VTI1A: variants seen among roughly 807,000 people sequenced by gnomAD.
The protein encoded by VTI1A is vesicle transport through interaction with t-SNAREs homolog 1A.
VTI1A carries 22 observed loss-of-function variants against 34.9 expected under a neutral mutation model. The ratio of observed to expected loss-of-function variants is 0.63; its 90% CI spans 0.45 to 0.90. VTI1A has a LOEUF of 0.90. Among genes scored for constraint, VTI1A ranks in the 40% least tolerant of loss-of-function variants. The pLI is 0.00. For synonymous variants in VTI1A, 87 were observed against 97.3 expected, an observed-to-expected ratio of 0.89 and a Z score of 0.62; for missense variants, 268 against 275.6, an observed-to-expected ratio of 0.97 and a Z score of 0.20.
chr10:112,792,899 G>A (rs1489998744), intron 7 of VTI1A, among the ~76,000 whole-genome samples: 2 of 152,232 alleles, frequency 1.3e-5, no homozygotes, highest in Admixed American at 1.3e-4. Context: ...TTTTCAAAAT[G>A]CTGATCAGAT....
chr10:112,846,996 G>T, the VTI1A span, among the ~76,000 whole-genome samples: 1 of 152,162 alleles, frequency 6.6e-6, no homozygotes, highest in African/African-American at 2.4e-5. Flanking sequence ...CTGACCTCCA[G>T]AACTGTAAGA....
At chr10:112,684,884 T>G (rs1848349839) in intron 7 of VTI1A, among the ~76,000 whole-genome samples, 1 of 152,204 alleles carries the variant, frequency 6.6e-6, no homozygotes, top group Admixed American at 6.5e-5. Context: ...ACCAACTGCA[T>G]ATATGTGACA....
intron 3 of VTI1A, among the ~76,000 whole-genome samples, chr10:112,518,611 ATGTGTGTGTGTG>A (rs1365789222): frequency 1.5e-5 from 2 of 134,188 alleles, no homozygotes; most frequent in East Asian, 2.4e-4. Flanking sequence ...ATATATATAT[ATGTGTGTGTGTG>A]TATGTGTATA....
intron 3 of VTI1A, among the ~76,000 whole-genome samples, chr10:112,473,571 G>T (rs1848174961): frequency 6.6e-6 from 1 of 152,016 alleles, no homozygotes; most frequent in African/African-American, 2.4e-5. Flanking sequence ...TTATTGTGCT[G>T]CAGTGAACAT....
intron 7 of VTI1A, among the ~76,000 whole-genome samples, chr10:112,718,072 T>C (rs1849672290): frequency 6.6e-6 from 1 of 152,130 alleles, no homozygotes; most frequent in African/African-American, 2.4e-5. Context: ...GTGTGTACTG[T>C]CCCCATCAAG....
At chr10:112,854,647 G>A in the VTI1A span, among the ~76,000 whole-genome samples, 8 of 152,132 alleles carry the variant, frequency 5.3e-5, 1 homozygote, top group African/African-American at 1.9e-4. Flanking sequence ...CACTATACCT[G>A]CCATGCCTCA....
chr10:112,848,202 A>C, the VTI1A span, among the ~76,000 whole-genome samples: 2 of 152,152 alleles, frequency 1.3e-5, no homozygotes, highest in Non-Finnish European at 2.9e-5. Context: ...AGTTGCTTGT[A>C]GTTCTGTAAC....
intron 5 of VTI1A, among the ~76,000 whole-genome samples, chr10:112,606,383 A>G (rs1845087165): frequency 6.6e-6 from 1 of 152,006 alleles, no homozygotes; most frequent in South Asian, 2.1e-4. Flanking sequence ...TCATGCCCTC[A>G]CCACCCGTGG....
chr10:112,672,913 T>G (rs962031927), intron 7 of VTI1A: 1 of 152,196 alleles, frequency 6.6e-6, no homozygotes, highest in Non-Finnish European at 1.5e-5. Flanking sequence ...GCCTCAGGAA[T>G]GTAACAAAGT....
chr10:112,821,174 C>T (rs1050659329), downstream of VTI1A, among the ~76,000 whole-genome samples: 1 of 152,232 alleles, frequency 6.6e-6, no homozygotes, highest in Admixed American at 6.5e-5. Flanking sequence ...TCGCGCACCC[C>T]CTCCTTCCCT....
intron 3 of VTI1A, among the ~76,000 whole-genome samples, chr10:112,481,447 T>G (rs559622956): frequency 4.5e-4 from 68 of 152,346 alleles, no homozygotes; most frequent in African/African-American, 1.5e-3. Flanking sequence ...ATGGAATGTC[T>G]TCATATGAAG....
At chr10:112,792,712 G>T (rs911643719) in intron 7 of VTI1A, among the ~76,000 whole-genome samples, 1 of 152,176 alleles carries the variant, frequency 6.6e-6, no homozygotes, top group African/African-American at 2.4e-5. Context: ...AAGCCTCCTG[G>T]CTGTGTCAGT....
intron 7 of VTI1A, among the ~76,000 whole-genome samples, chr10:112,791,935 T>A (rs1852494684): frequency 1.3e-5 from 2 of 152,058 alleles, no homozygotes; most frequent in Non-Finnish European, 2.9e-5. Flanking sequence ...ATTGCGTAGT[T>A]AGAATAGACA....
intron 5 of VTI1A, among the ~76,000 whole-genome samples, chr10:112,607,216 G>A (rs1225945171): frequency 2.6e-5 from 4 of 151,876 alleles, no homozygotes; most frequent in African/African-American, 9.7e-5. Context: ...GAACCCGGGA[G>A]GCAGAGGTTG....
At chr10:112,804,163 C>T (rs1353600041) in intron 7 of VTI1A, among the ~76,000 whole-genome samples, 1 of 152,202 alleles carries the variant, frequency 6.6e-6, no homozygotes, top group Non-Finnish European at 1.5e-5. Context: ...GGGAAGGTAT[C>T]CCGGAGCCAG....
intron 3 of VTI1A, among the ~76,000 whole-genome samples, chr10:112,525,561 G>A (rs969812710): frequency 6.6e-6 from 1 of 152,102 alleles, no homozygotes; most frequent in Non-Finnish European, 1.5e-5. Flanking sequence ...AAAAAGCAAA[G>A]GAATGTCTAG....
chr10:112,557,831 G>A (rs1042114828), intron 5 of VTI1A, among the ~76,000 whole-genome samples: 22 of 152,134 alleles, frequency 1.4e-4, no homozygotes, highest in Admixed American at 1.3e-4. Flanking sequence ...ATGTGTAAAG[G>A]AGGACTTCTT....
intron 3 of VTI1A, among the ~76,000 whole-genome samples, chr10:112,503,940 A>G (rs1849330931): frequency 6.6e-6 from 1 of 152,184 alleles, no homozygotes; most frequent in South Asian, 2.1e-4. Context: ...GCATTCTGCC[A>G]CTTTACGAAA....
At chr10:112,710,037 A>C (rs954220583) in intron 7 of VTI1A, among the ~76,000 whole-genome samples, 5 of 145,814 alleles carry the variant, frequency 3.4e-5, no homozygotes, top group African/African-American at 1.3e-4. Context: ...TACCTATCTC[A>C]TTCCCTCTAC....
Sources: allele counts gnomAD v4.1 joint callset (sites outside exome capture counted in the v4.1 genomes callset), GRCh38; gene constraint gnomAD v4.1.1; transcripts MANE v1.5; gene names NCBI Gene and HGNC (gene_info 2026-07-23, HGNC 2026-07-21).